The following CPNE4 variants were observed in gnomAD, a reference collection of about 807,000 sequenced individuals.
CPNE4 encodes the protein copine-4.
Under a neutral mutation model 67.9 loss-of-function variants are expected in CPNE4, and 25 were observed. The ratio of observed to expected loss-of-function variants is 0.37; its 90% confidence interval spans 0.27 to 0.51. The LOEUF is 0.51. Ranked by LOEUF, CPNE4 falls within the 20% of genes least tolerant of loss-of-function variation. The pLI is 0.93. For missense variants in CPNE4, 464 were observed against 690.8 expected, an observed-to-expected ratio of 0.67 and a Z score of 3.68; for synonymous variants, 242 against 244.9, an observed-to-expected ratio of 0.99 and a Z score of 0.11.
rs115373491 is a variant in CPNE4, at chr3:131,971,059, G to C, written c.-2+63508C>G. Among the ~76,000 whole-genome samples, 5 of 152,306 alleles carry C rather than the reference G, an allele frequency of 3.3e-5. No homozygotes were observed. The East Asian group carries it at 5.8e-4, about 18-fold the overall frequency. ...TATGGCATAGATGAGGTCACTCAGC[G>C]GTGTTCATCTGGCAGCTAGAAAGAT... On this transcript the variant is annotated intron_variant, in intron 1 of 15. Coordinates refer to ENST00000429747, the MANE Select transcript of CPNE4 (RefSeq NM_130808.3).
intron 7 of CPNE4, 97 bp from the exon 8 acceptor site, chr3:131,587,679 T>C: frequency 3.5e-6 from 3 of 861,576 alleles, no homozygotes; most frequent in East Asian, 5.2e-5. Flanking sequence ...AGATGAAAGA[T>C]GTTTGGTCTG....
At chr3:131,950,979 T>A (rs951502047) in intron 1 of CPNE4, among the ~76,000 whole-genome samples, 2 of 152,238 alleles carry the variant, frequency 1.3e-5, no homozygotes, top group African/African-American at 4.8e-5. Context: ...ATGCTTTTTG[T>A]TCATTTCCTG....
At chr3:131,724,810 G>C (rs2081966057) in intron 2 of CPNE4, among the ~76,000 whole-genome samples, 1 of 152,084 alleles carries the variant, frequency 6.6e-6, no homozygotes, top group Non-Finnish European at 1.5e-5. Flanking sequence ...ACAGAGTTTA[G>C]TCCTTTAGGT....
intron 7 of CPNE4, among the ~76,000 whole-genome samples, chr3:131,627,444 C>T (rs1161267032): frequency 2.0e-5 from 3 of 152,146 alleles, no homozygotes; most frequent in African/African-American, 7.2e-5. Context: ...CAAGGAGATT[C>T]ATTGTTGTTT....
rs115855807 is a variant in CPNE4 at position 131,890,458 on chromosome 3, G to C, written c.180+14806C>G. On this transcript the variant is annotated intron_variant, in intron 2 of 15. Transcript: ENST00000429747. The stretch of plus-strand genomic sequence containing the variant: ...GAAAAAAAAAACCTACCATTAGTGA[G>C]ATTGTGGAGAAATTAGAACCCTTAT... Among the ~76,000 whole-genome samples the C allele has an allele frequency of 8.4e-3, 1,276 of 151,310 alleles. 15 individuals are homozygous for C. Among genetic ancestry groups the C allele is most frequent in the African/African-American group, 0.029 (1,183 of 41,336 alleles).
chr3:132,016,841 T>C (rs1288081751), intron 1 of CPNE4, among the ~76,000 whole-genome samples: 1 of 152,234 alleles, frequency 6.6e-6, no homozygotes, highest in Non-Finnish European at 1.5e-5. Flanking sequence ...CTCACATTCC[T>C]GTTTGGTGAC....
chr3:131,863,222 C>T (rs1001518701), intron 2 of CPNE4, among the ~76,000 whole-genome samples: 4 of 152,050 alleles, frequency 2.6e-5, no homozygotes, highest in Non-Finnish European at 5.9e-5. Flanking sequence ...GGGTACATAC[C>T]CAGTAATGGG....
intron 7 of CPNE4, among the ~76,000 whole-genome samples, chr3:131,617,773 G>A (rs1044326904): frequency 1.3e-5 from 2 of 152,106 alleles, no homozygotes; most frequent in Non-Finnish European, 2.9e-5. Context: ...TTTGGAAGGT[G>A]GGAACTTTCT....
upstream of CPNE4, among the ~76,000 whole-genome samples, chr3:132,036,906 C>G (rs2074349302): frequency 6.6e-6 from 1 of 152,282 alleles, no homozygotes; most frequent in South Asian, 2.1e-4. Flanking sequence ...GTTAGGCACT[C>G]TACTTACCAT....
intron 2 of CPNE4, among the ~76,000 whole-genome samples, chr3:131,810,009 A>G (rs954524342): frequency 6.6e-6 from 1 of 152,070 alleles, no homozygotes; most frequent in Non-Finnish European, 1.5e-5. Flanking sequence ...AGAATCAAGA[A>G]GAGGAGGACG....
chr3:131,962,405 C>T (rs1418873987), intron 1 of CPNE4, among the ~76,000 whole-genome samples: 1 of 152,080 alleles, frequency 6.6e-6, no homozygotes, highest in East Asian at 1.9e-4. Flanking sequence ...CTCTCAAGGC[C>T]CAGTTCACAT....
intron 2 of CPNE4, among the ~76,000 whole-genome samples, chr3:131,883,370 A>T (rs998148985): frequency 6.6e-6 from 1 of 152,130 alleles, no homozygotes; most frequent in East Asian, 1.9e-4. Flanking sequence ...AGCAAAGTCT[A>T]TGGGGTGTGC....
chr3:131,726,267 C>G (rs936984378), intron 2 of CPNE4, among the ~76,000 whole-genome samples: 4 of 152,214 alleles, frequency 2.6e-5, no homozygotes, highest in African/African-American at 9.6e-5. Flanking sequence ...CAGTGGCATT[C>G]CCTTATAAAG....
chr3:131,762,912 G>GA (rs5852642), intron 2 of CPNE4, among the ~76,000 whole-genome samples: 36 of 146,934 alleles, frequency 2.5e-4, no homozygotes, highest in East Asian at 9.9e-4. Context: ...TGCTACGACA[G>GA]AAAAAAAAAA....
intron 1 of CPNE4, among the ~76,000 whole-genome samples, chr3:131,910,068 T>C (rs565753099): frequency 6.6e-6 from 1 of 152,216 alleles, no homozygotes; most frequent in East Asian, 1.9e-4. Context: ...AAAAAACATT[T>C]GTGATCATAT....
chr3:131,788,935 C>T (rs1177357404), intron 2 of CPNE4, among the ~76,000 whole-genome samples: 3 of 151,042 alleles, frequency 2.0e-5, no homozygotes, highest in African/African-American at 7.3e-5. Context: ...ATGGTTTTTC[C>T]ACATTCTTTT....
intron 1 of CPNE4, among the ~76,000 whole-genome samples, chr3:131,980,643 C>G (rs925344061): frequency 1.3e-5 from 2 of 152,096 alleles, no homozygotes; most frequent in African/African-American, 4.8e-5. Flanking sequence ...CTTCACCTGT[C>G]TCTGGTCCCT....
intron 2 of CPNE4, among the ~76,000 whole-genome samples, chr3:131,895,548 C>A (rs2088292380): frequency 9.7e-6 from 1 of 102,952 alleles, no homozygotes; most frequent in Non-Finnish European, 2.0e-5. Flanking sequence ...TCATCTTGAT[C>A]CTGAGTTAAT....
intron 1 of CPNE4, among the ~76,000 whole-genome samples, chr3:131,930,380 A>C (rs569957626): frequency 2.6e-5 from 4 of 152,188 alleles, no homozygotes; most frequent in Admixed American, 2.0e-4. Flanking sequence ...CTTGCAGAGA[A>C]AGGGGCAGGG....
Sources: gnomAD v4.1 joint callset for allele counts (sites outside exome capture counted in the v4.1 genomes callset) on GRCh38, gnomAD v4.1.1 for gene constraint, MANE v1.5 for transcripts, NCBI Gene and HGNC (gene_info 2026-07-23, HGNC 2026-07-21) for gene names.